CABLES2: variants seen among roughly 807,000 people sequenced by gnomAD.
The protein encoded by CABLES2 is Cdk5 and Abl enzyme substrate 2, also known as CDK5 and ABL1 enzyme substrate 2.
CABLES2 carries 35 observed loss-of-function variants against 44.8 expected under a neutral mutation model. That is an observed-to-expected ratio of 0.78 (90% CI 0.60 to 1.04). The LOEUF (loss-of-function observed/expected upper bound fraction) is 1.04, where lower values mean the gene tolerates loss of function less well. CABLES2 is among the 50% of genes least tolerant of loss of function. CABLES2 has a pLI of 0.00. For missense variants in CABLES2, 566 were observed against 615.7 expected (o/e 0.92, Z 0.85); for synonymous variants, 282 against 281.1 (o/e 1.00, Z -0.03).
At chr20:62,398,082 G>A (rs141125538) in intron 1 of CABLES2, among the ~76,000 whole-genome samples, 2,034 of 81,862 alleles carry the variant, frequency 0.025, 60 homozygotes, top group South Asian at 0.039. Flanking sequence ...GGTGGTGGTG[G>A]TGGTGACGGT....
chr20:62,395,064 G>A, intron 3 of CABLES2, 50 bp from the exon 4 acceptor site: 1 of 1,395,740 alleles, frequency 7.2e-7, no homozygotes, highest in Non-Finnish European at 1.0e-6. Context: ...CGGGGCTCAA[G>A]GTACTGCTGC....
In CABLES2 at chr20:62,389,631, A is replaced by G. The variant is rs1159538298; in HGVS notation, c.*1340T>C. 6.6e-6 allele frequency: 1 copy of G among 152,288 alleles called. No homozygotes were observed. Among genetic ancestry groups the G allele is most frequent in the Non-Finnish European group, 1.5e-5 (1 of 68,082 alleles). 9.4% of individuals were successfully genotyped at this position (152,288 alleles called of 1,614,324 possible). On this transcript the variant is annotated 3_prime_UTR_variant, in exon 10 of 10. Transcript: ENST00000279101. ...AGCCCCTCCAGGGCCAGGCAGGTTT[A>G]TAAGGTAGTGGTAGGAAAAAGCTTG...
intron 1 of CABLES2, among the ~76,000 whole-genome samples, chr20:62,397,989 GTGGTGATGA>G (rs1373449811): frequency 1.5e-4 from 9 of 58,290 alleles, no homozygotes; most frequent in Non-Finnish European, 2.7e-4. Flanking sequence ...GATGGCGGTG[GTGGTGATGA>G]TGGTGATGGT....
chr20:62,401,239 T>G (rs1211741059), intron 1 of CABLES2, among the ~76,000 whole-genome samples: 1 of 152,142 alleles, frequency 6.6e-6, no homozygotes, highest in Non-Finnish European at 1.5e-5. Context: ...CTGAAGGAGG[T>G]GCCTGCACAT....
chr20:62,397,941 G>GTGGTGGTGGTGGTGATGA (rs1569017171), intron 1 of CABLES2, among the ~76,000 whole-genome samples: 1 of 136,008 alleles, frequency 7.4e-6, no homozygotes, highest in Non-Finnish European at 1.6e-5. Context: ...GGTGGTGATG[G>GTGGTGGTGGTGGTGATGA]TGGTGACGGT....
Position 62,391,615 on chromosome 20 carries a change from C to T in CABLES2, c.1092-162G>A, listed in dbSNP as rs1328553597. 2.6e-5 allele frequency among the ~76,000 whole-genome samples: 4 copies of T among 152,178 alleles called. No homozygotes were observed. Among genetic ancestry groups the T allele is most frequent in the Non-Finnish European group, 5.9e-5 (4 of 68,038 alleles). On this transcript the variant is annotated intron_variant, in intron 8 of 9. Transcript: ENST00000279101. This position sits in a 1 kb window ranked among gnomAD's most constrained non-coding sequence, Gnocchi z 5.7. ...GTACCCTCCGCCGTACCATGTATAA[C>T]GCCCAGGGCAGGGCGCATGGGCAGG... is the stretch of plus-strand genomic sequence containing the variant.
At chr20:62,401,422 G>T (rs576585811) in intron 1 of CABLES2, among the ~76,000 whole-genome samples, 18 of 152,330 alleles carry the variant, frequency 1.2e-4, no homozygotes, top group African/African-American at 4.1e-4. Flanking sequence ...GACGGGACGG[G>T]CACTGGCAAG....
rs146853618 is a variant in CABLES2, at chr20:62,392,946, G to A, written c.958C>T (p.Arg320Cys). ...DPQWPCGKHK[R>C]VLIFASYMTT... ...ATGTACGACGCAAAGATGAGGACACGTTTGTGCTTGCCGCAGGGCCACTGC... is the reference window on the plus strand; with the variant it reads ...ATGTACGACGCAAAGATGAGGACACATTTGTGCTTGCCGCAGGGCCACTGC... The change falls in exon 7 of 10, where the codon CGT becomes TGT. Residue 320 changes from arginine (R) to cysteine (C), a missense_variant. Around this residue, in one of 2 missense-constraint regions of CABLES2, gnomAD observed 436 missense variants for 536.3 expected, o/e 0.81. Coordinates refer to ENST00000279101, the MANE Select transcript of CABLES2 (RefSeq NM_031215.3). 24 of 1,613,926 alleles carry A rather than the reference G, an allele frequency of 1.5e-5. No homozygotes were observed. In the African/African-American group the frequency reaches 2.1e-4, roughly 14 times the overall value.
rs117694016 is a variant in CABLES2 at position 62,397,681 on chromosome 20, C to T, written c.363-1089G>A. Among the ~76,000 whole-genome samples the T allele has an allele frequency of 4.3e-3, 649 of 152,320 alleles. 5 individuals carry two copies. The highest frequency in any genetic ancestry group is 7.2e-3 in the Non-Finnish European group (490 of 68,028). On this transcript the variant is annotated intron_variant, in intron 1 of 9. Coordinates refer to ENST00000279101, the MANE Select transcript of CABLES2 (RefSeq NM_031215.3). Reference sequence around the variant, plus strand: ...CAAAGCTTTGTTCTCTCCCTTATACCGGGAGCCATGAATGTGTGCCTGAGC... The same window carrying T: ...CAAAGCTTTGTTCTCTCCCTTATACTGGGAGCCATGAATGTGTGCCTGAGC...
At chr20:62,398,092 T>TGGTGGTGAC (rs1988087467) in intron 1 of CABLES2, among the ~76,000 whole-genome samples, 1 of 130,352 alleles carries the variant, frequency 7.7e-6, no homozygotes, top group African/African-American at 3.2e-5. Context: ...GTGGTGACGG[T>TGGTGGTGAC]GGTGGTGGTG....
At chr20:62,392,315 T>C in intron 8 of CABLES2, 74 bp downstream of exon 8, 1 of 1,084,288 alleles carries the variant, frequency 9.2e-7, no homozygotes, top group Non-Finnish European at 1.4e-6. Flanking sequence ...CTGGAGAGAA[T>C]CTACCAGAAA....
Position 62,390,862 on chromosome 20 carries a change from T to A in CABLES2, c.*109A>T, listed in dbSNP as rs893492445. On this transcript the variant is annotated 3_prime_UTR_variant, in exon 10 of 10. Coordinates refer to ENST00000279101, the MANE Select transcript of CABLES2 (RefSeq NM_031215.3). The stretch of plus-strand genomic sequence containing the variant: ...GCACCAGCGGAGGCCAGGTGCCTCC[T>A]GCTAGCAGGTGCTGGGGGTGCTGGC... 3 of 1,373,018 alleles carry A rather than the reference T, an allele frequency of 2.2e-6. No homozygotes were observed. In the African/African-American group the frequency reaches 4.3e-5, roughly 20 times the overall value. The allele number at this position is 1,373,018 out of a possible 1,614,324, so 85.1% of individuals were successfully genotyped here. A position where few individuals can be genotyped will look rare whatever the true frequency, so the allele number is the denominator to read the frequency against.
Position 62,391,568 on chromosome 20 carries a change from C to A in CABLES2, c.1092-115G>T. 2.0e-6 allele frequency: 2 copies of A among 1,015,598 alleles called. No individual in the cohort carries two copies. Among genetic ancestry groups the A allele is most frequent in the South Asian group, 1.4e-5 (1 of 70,186 alleles). 62.9% of individuals were successfully genotyped at this position (1,015,598 alleles called of 1,614,324 possible). ...ATGTAGCTTTGGGCCGCAAGAAACA[C>A]CACCGCATCCTTCAGGGGATGGTAC... On this transcript the variant is annotated intron_variant, in intron 8 of 9. Coordinates refer to ENST00000279101, the MANE Select transcript of CABLES2 (RefSeq NM_031215.3). The surrounding 1 kb of genome is among the most constrained non-coding windows in gnomAD (Gnocchi z 5.7).
chr20:62,398,205 A>ACGGTAG (rs1988110591), intron 1 of CABLES2, among the ~76,000 whole-genome samples: 1 of 86,168 alleles, frequency 1.2e-5, no homozygotes, highest in African/African-American at 5.3e-5. Flanking sequence ...GATGGTGGTG[A>ACGGTAG]TGGTGATGTG....
chr20:62,394,376 G>T, intron 4 of CABLES2, 111 bp from the exon 5 acceptor site: 1 of 782,114 alleles, frequency 1.3e-6, no homozygotes, highest in Non-Finnish European at 2.1e-6. Context: ...TGTCAGCACA[G>T]CCCCTCGGGA....
rs570807396 is a variant in CABLES2 at position 62,390,618 on chromosome 20, GAC to G, written c.*351_*352del. Reference sequence around the variant, plus strand: ...GTTTGCAGAAGGCGAGGCCAGGGGAGACACACTGCAGCCGGCTCGCTGCTGCA... The same window carrying G: ...GTTTGCAGAAGGCGAGGCCAGGGGAGACACTGCAGCCGGCTCGCTGCTGCA... On this transcript the variant is annotated 3_prime_UTR_variant, in exon 10 of 10. Transcript: ENST00000279101. 2.1e-4 allele frequency: 59 copies of G among 279,336 alleles called. No individual in the cohort carries two copies. The East Asian group carries it at 3.9e-3, about 19-fold the overall frequency. 17.3% of individuals were successfully genotyped at this position (279,336 alleles called of 1,614,324 possible). A position where few individuals can be genotyped will look rare whatever the true frequency, so the allele number is the denominator to read the frequency against.
At position 62,391,503 on chromosome 20, in the gene CABLES2, A is replaced by G. The variant is rs1987918641; in HGVS notation, c.1092-50T>C. On this transcript the variant is annotated intron_variant, in intron 8 of 9. Coordinates refer to ENST00000279101, the MANE Select transcript of CABLES2 (RefSeq NM_031215.3). The surrounding 1 kb of genome is among the most constrained non-coding windows in gnomAD (Gnocchi z 5.7). The stretch of plus-strand genomic sequence containing the variant: ...TCCCTGGGGGCTCTGGCTGGGGCTG[A>G]GGAGGCAGCCCCCTGCCACCACCAA... The G allele has an allele frequency of 5.1e-6, 8 of 1,579,404 alleles. No homozygotes were observed. In the African/African-American group the frequency reaches 6.7e-5, roughly 13 times the overall value.
chr20:62,398,127 A>G (rs1209650570), intron 1 of CABLES2, among the ~76,000 whole-genome samples: 445 of 29,380 alleles, frequency 0.015, no homozygotes, highest in Non-Finnish European at 0.022. Flanking sequence ...GGTGGTGGTT[A>G]TGACGGTGGT....
rs1315849238 is a variant in CABLES2, at chr20:62,390,482, A to T, written c.*489T>A. On this transcript the variant is annotated 3_prime_UTR_variant, in exon 10 of 10. Coordinates refer to ENST00000279101, the MANE Select transcript of CABLES2 (RefSeq NM_031215.3). ...GGGAGATGCTGCTGGGGAACCCGAA[A>T]AACCACATCTCCAAGATGAATGCCT... The T allele has an allele frequency of 6.4e-6, 1 of 155,548 alleles. No homozygotes were observed. The highest frequency in any genetic ancestry group is 1.9e-4 in the East Asian group (1 of 5,322). 9.6% of individuals were successfully genotyped at this position (155,548 alleles called of 1,614,324 possible).
Sources: allele counts gnomAD v4.1 joint callset (sites outside exome capture counted in the v4.1 genomes callset), GRCh38; gene constraint gnomAD v4.1.1; regional missense constraint gnomAD v4.1.1; non-coding constraint Gnocchi (gnomAD v3.1); transcripts MANE v1.5; gene names NCBI Gene and HGNC (gene_info 2026-07-23, HGNC 2026-07-21).